EYS: variants seen among roughly 807,000 people sequenced by gnomAD.
The protein encoded by EYS is protein eyes shut homolog.
In EYS, 250 loss-of-function variants were observed where a neutral mutation model predicts 282.1. That is an observed-to-expected ratio of 0.89 (90% confidence interval 0.80 to 0.98). EYS has a LOEUF of 0.98. Among genes scored for constraint, EYS ranks in the 50% least tolerant of loss-of-function variants. The pLI, the probability that EYS is intolerant of heterozygous loss-of-function variation, is 0.00. For missense variants in EYS, 4,016 were observed against 3,709.0 expected (o/e 1.08, Z -2.15); for synonymous variants, 1,355 against 1,282.9 (o/e 1.06, Z -1.20).
At chr6:64,113,067 G>A (rs988487473) in intron 31 of EYS, among the ~76,000 whole-genome samples, 5 of 151,946 alleles carry the variant, frequency 3.3e-5, no homozygotes, top group African/African-American at 1.2e-4. Context: ...TAGTTTTGCC[G>A]TTACCAGTTG....
intron 8 of EYS, among the ~76,000 whole-genome samples, chr6:65,360,966 T>C (rs1046246939): frequency 2.0e-5 from 3 of 152,058 alleles, no homozygotes; most frequent in African/African-American, 7.2e-5. Flanking sequence ...TCCATCTATA[T>C]TTCTACATAT....
chr6:65,686,127 AAAAC>A (rs758407165), intron 1 of EYS, among the ~76,000 whole-genome samples: 1 of 152,060 alleles, frequency 6.6e-6, no homozygotes, highest in Non-Finnish European at 1.5e-5. Flanking sequence ...ATGCAGGTAT[AAAAC>A]AAACAAACAG....
intron 26 of EYS, among the ~76,000 whole-genome samples, chr6:64,453,010 G>A (rs1011946232): frequency 2.0e-5 from 3 of 152,052 alleles, no homozygotes; most frequent in Non-Finnish European, 2.9e-5. Context: ...TTGACAAATG[G>A]GATCTAATTA....
At chr6:64,833,292 G>T (rs766486492) in intron 19 of EYS, among the ~76,000 whole-genome samples, 1 of 151,856 alleles carries the variant, frequency 6.6e-6, no homozygotes, top group Non-Finnish European at 1.5e-5. Context: ...TTCGGTTTTA[G>T]GTAACCTGTG....
At chr6:64,867,236 T>TG (rs1766450626) in intron 19 of EYS, among the ~76,000 whole-genome samples, 1 of 151,376 alleles carries the variant, frequency 6.6e-6, no homozygotes, top group Admixed American at 6.6e-5. Flanking sequence ...TTCATTTGTT[T>TG]TTATTTTAGT....
At chr6:64,580,303 A>G (rs1346797630) in intron 26 of EYS, among the ~76,000 whole-genome samples, 1 of 152,162 alleles carries the variant, frequency 6.6e-6, no homozygotes, top group Non-Finnish European at 1.5e-5. Context: ...AAATGACCAA[A>G]GTCAAGGTGA....
At chr6:65,621,474 T>C (rs1766491615) in intron 2 of EYS, among the ~76,000 whole-genome samples, 1 of 150,524 alleles carries the variant, frequency 6.6e-6, no homozygotes, top group Non-Finnish European at 1.5e-5. Context: ...GTTTCCTGAA[T>C]ACAGCACACT....
Position 65,495,447 on chromosome 6 carries a change from A to G in EYS, c.-37T>C. The G allele has an allele frequency of 1.3e-6, 2 of 1,599,156 alleles. No homozygotes were observed. The highest frequency in any genetic ancestry group is 1.7e-6 in the Non-Finnish European group (2 of 1,177,182). On this transcript the variant is annotated 5_prime_UTR_variant, in exon 4 of 43. Transcript: ENST00000503581. ...TGTATTTTACAGTTTATCATAAAGA[A>G]TTGCTGCAAAATGGTGTTTTAAGTA...
chr6:64,291,737 G>T (rs992262271), intron 30 of EYS, among the ~76,000 whole-genome samples: 1 of 151,904 alleles, frequency 6.6e-6, no homozygotes, highest in Non-Finnish European at 1.5e-5. Context: ...TTTTATTTTA[G>T]TGTATTATTC....
intron 26 of EYS, among the ~76,000 whole-genome samples, chr6:64,459,541 C>T (rs1562007410): frequency 1.3e-5 from 2 of 152,250 alleles, no homozygotes; most frequent in East Asian, 3.9e-4. Flanking sequence ...CAGTCTGAGT[C>T]CCCAAACCAC....
At chr6:65,297,386 G>A (rs866106096) in intron 11 of EYS, among the ~76,000 whole-genome samples, 6 of 151,626 alleles carry the variant, frequency 4.0e-5, no homozygotes, top group African/African-American at 7.3e-5. Context: ...TGTATATGAC[G>A]GTAAGCGTTT....
intron 2 of EYS, among the ~76,000 whole-genome samples, chr6:65,626,897 TA>T (rs141544480): frequency 3.2e-4 from 39 of 123,424 alleles, no homozygotes; most frequent in Non-Finnish European, 5.3e-4. Context: ...GCATATTATG[TA>T]AAAAAAACAC....
At chr6:64,100,569 GT>G (rs530086017) in intron 31 of EYS, among the ~76,000 whole-genome samples, 6 of 151,846 alleles carry the variant, frequency 4.0e-5, no homozygotes, top group African/African-American at 7.2e-5. Flanking sequence ...TTATTATGTG[GT>G]TTTTTTATTG....
chr6:65,704,714 A>G (rs1300587385), intron 1 of EYS, among the ~76,000 whole-genome samples: 2 of 152,340 alleles, frequency 1.3e-5, no homozygotes, highest in East Asian at 3.9e-4. Context: ...CCATGAATTT[A>G]GTAAATACTA....
chr6:65,625,231 C>T (rs72882260), intron 2 of EYS, among the ~76,000 whole-genome samples: 2,322 of 152,262 alleles, frequency 0.015, 25 homozygotes, highest in Non-Finnish European at 0.022. Flanking sequence ...AACAGATTAT[C>T]TTATATTCCC....
At chr6:65,578,783 T>C (rs1414645379) in intron 2 of EYS, among the ~76,000 whole-genome samples, 4 of 152,040 alleles carry the variant, frequency 2.6e-5, no homozygotes, top group African/African-American at 9.7e-5. Flanking sequence ...CTTTCACATA[T>C]TTAATTTAAT....
intron 4 of EYS, among the ~76,000 whole-genome samples, chr6:65,491,060 G>A (rs961515581): frequency 7.9e-5 from 12 of 151,958 alleles, no homozygotes; most frequent in African/African-American, 2.9e-4. Context: ...GTATTGCAGT[G>A]ATAATTTACA....
chr6:65,510,251 T>G (rs1395618743), intron 2 of EYS, among the ~76,000 whole-genome samples: 4 of 142,066 alleles, frequency 2.8e-5, no homozygotes, highest in Non-Finnish European at 4.5e-5. Flanking sequence ...AATTCCCACC[T>G]ATGGGAATTG....
intron 41 of EYS, among the ~76,000 whole-genome samples, chr6:63,734,522 A>G (rs1326183445): frequency 6.6e-6 from 1 of 152,150 alleles, no homozygotes; most frequent in African/African-American, 2.4e-5. Flanking sequence ...GGTTATTACT[A>G]TAATACTGGT....
Sources: allele counts gnomAD v4.1 joint callset (sites outside exome capture counted in the v4.1 genomes callset), GRCh38; gene constraint gnomAD v4.1.1; transcripts MANE v1.5; gene names NCBI Gene and HGNC (gene_info 2026-07-23, HGNC 2026-07-21).